Variants in FLYWCH1 observed in about 807,000 individuals in gnomAD.
FLYWCH1 encodes FLYWCH-type zinc finger-containing protein 1.
In FLYWCH1, 75 loss-of-function variants were observed where a neutral mutation model predicts 66.4. That is an observed-to-expected ratio of 1.13 (90% CI 0.94 to 1.37). FLYWCH1 has a LOEUF of 1.37. Among genes scored for constraint, FLYWCH1 ranks in the 40% most tolerant of loss-of-function variants. FLYWCH1 has a pLI of 0.00. For synonymous variants in FLYWCH1, 595 were observed against 429.9 expected (o/e 1.38, Z -4.75); for missense variants, 1,334 against 1,001.8 (o/e 1.33, Z -4.48).
At chr16:2,945,559 G>A (rs2071444164) in intron 9 of FLYWCH1, among the ~76,000 whole-genome samples, 1 of 149,942 alleles carries the variant, frequency 6.7e-6, no homozygotes, top group African/African-American at 2.5e-5. Flanking sequence ...GGGAAGCTGA[G>A]GCTGCAGTGC....
intron 6 of FLYWCH1, chr16:2,936,724 A>T: frequency 2.1e-6 from 1 of 473,084 alleles, no homozygotes; most frequent in Middle Eastern, 3.2e-4. Flanking sequence ...CACCCCTCTC[A>T]GCCCCATCCG....
chr16:2,936,301 G>A (rs529737539), intron 6 of FLYWCH1: 8 of 431,392 alleles, frequency 1.9e-5, no homozygotes, highest in Admixed American at 5.1e-5. Context: ...CCCCACCTTC[G>A]TCCTGACCTC....
At chr16:2,944,369 G>A (rs921355393) in intron 9 of FLYWCH1, among the ~76,000 whole-genome samples, 1 of 148,706 alleles carries the variant, frequency 6.7e-6, no homozygotes, top group African/African-American at 2.5e-5. Flanking sequence ...CATCCAGCCT[G>A]GGTGACAAGA....
chr16:2,948,106 G>C (rs13335508), intron 9 of FLYWCH1, among the ~76,000 whole-genome samples: 40,331 of 152,050 alleles, frequency 0.27, 6,660 homozygotes, highest in African/African-American at 0.44. Flanking sequence ...GCTTGGGTGT[G>C]ATGGCCTGTG....
rs371073892 is a variant in FLYWCH1, at chr16:2,930,578, G to C, written c.494G>C (p.Arg165Pro). The change falls in exon 4 of 10, where the codon CGG (arginine) becomes CCG (proline). Residue 165 changes from arginine (R) to proline (P), a missense_variant. Transcript: ENST00000253928. The stretch of plus-strand genomic sequence containing the variant: ...GGCCGGGCCATCACCCGAGGCCTGC[G>C]GGCCACAGTGATGCGGGGCCACTGC... ...CRGRAITRGL[R>P]ATVMRGHCHA... 4 of 1,556,246 alleles carry C rather than the reference G, an allele frequency of 2.6e-6. No homozygotes were observed. The highest frequency in any genetic ancestry group is 2.0e-5 in the Admixed American group (1 of 50,224).
chr16:2,929,608 C>T lies in FLYWCH1; in HGVS notation c.-73-5C>T, dbSNP rs886942693. On this transcript the variant is annotated splice_polypyrimidine_tract_variant and splice_region_variant and intron_variant, in intron 2 of 9. Transcript: ENST00000253928. ...CCACTGACGGGATTTTGCTTCCTTC[C>T]TTAGGACGGAACCACTGCACTCCAG... The T allele has an allele frequency of 4.7e-6, 7 of 1,493,924 alleles. No individual in the cohort carries two copies. In the Admixed American group the frequency reaches 1.5e-4, roughly 32 times the overall value. The allele number at this position is 1,493,924 out of a possible 1,614,324, so 92.5% of individuals were successfully genotyped here.
chr16:2,925,641 G>A (rs2070540058), intron 2 of FLYWCH1, among the ~76,000 whole-genome samples: 1 of 151,964 alleles, frequency 6.6e-6, no homozygotes, highest in Non-Finnish European at 1.5e-5. Flanking sequence ...TGCTCGAGAG[G>A]CGCCTGCGAA....
chr16:2,939,606 A>G (rs2071175800), intron 8 of FLYWCH1: 1 of 163,000 alleles, frequency 6.1e-6, no homozygotes, highest in Non-Finnish European at 1.3e-5. Context: ...TGAGCTCCTC[A>G]GAAAAGGGGA....
chr16:2,920,371 C>T (rs1380752252), intron 2 of FLYWCH1, among the ~76,000 whole-genome samples: 2 of 151,862 alleles, frequency 1.3e-5, no homozygotes, highest in Non-Finnish European at 2.9e-5. Flanking sequence ...AAAATTTAGC[C>T]ATGTGTGGTT....
In FLYWCH1 at chr16:2,924,127, A is replaced by G. The variant is rs534353183; in HGVS notation, c.-73-5486A>G. On this transcript the variant is annotated intron_variant, in intron 2 of 9. Coordinates refer to ENST00000253928, the MANE Select transcript of FLYWCH1 (RefSeq NM_001308068.2). ...AGGCGGATCACGAGGTCAGGAGATC[A>G]AGACCATCCTGGCTAACACGGTGAA... 3.3e-5 allele frequency among the ~76,000 whole-genome samples: 5 copies of G among 152,050 alleles called. No homozygotes were observed. The Middle Eastern group carries it at 9.5e-3, about 289-fold the overall frequency.
At chr16:2,938,619 T>G (rs11076987) in intron 8 of FLYWCH1, among the ~76,000 whole-genome samples, 163 bp downstream of exon 8, 40,866 of 146,122 alleles carry the variant, frequency 0.28, 5,849 homozygotes, top group East Asian at 0.41. Context: ...TTTTTTTTTT[T>G]TTTTTTTTTT....
intron 2 of FLYWCH1, among the ~76,000 whole-genome samples, chr16:2,925,882 C>G (rs1193857273): frequency 6.6e-6 from 1 of 152,192 alleles, no homozygotes; most frequent in Admixed American, 6.5e-5. Flanking sequence ...ATGTGGGGCC[C>G]CAGGCCAGGG....
At position 2,940,037 on chromosome 16, in the gene FLYWCH1, A is replaced by T. The variant is rs767495241; in HGVS notation, c.2056A>T (p.Ile686Phe). 6.3e-7 allele frequency: 1 copy of T among 1,599,372 alleles called. No homozygotes were observed. The highest frequency in any genetic ancestry group is 1.7e-5 in the Admixed American group (1 of 59,250). ...TTTCAATTATTTTTCCACAGAAAAG[A>T]TTCAAGTTCAGCTGTGCTTCAAGAC... ...TTAQQEDPEK[I>F]QVQLCFKTCS... Residue 686 changes from isoleucine (I) to phenylalanine (F), a missense_variant, in exon 9 of 10, where the codon ATT (isoleucine) becomes TTT (phenylalanine). Ile to Phe is a conservative substitution (Grantham distance 21). Transcript: ENST00000253928.
chr16:2,939,032 C>G (rs113718781), intron 8 of FLYWCH1, among the ~76,000 whole-genome samples: 2 of 152,076 alleles, frequency 1.3e-5, no homozygotes, highest in African/African-American at 2.4e-5. Context: ...CTCAGCCTCC[C>G]GAGTAACTGG....
At chr16:2,931,562 G>C (rs2070762712) in intron 4 of FLYWCH1, among the ~76,000 whole-genome samples, 1 of 151,966 alleles carries the variant, frequency 6.6e-6, no homozygotes, top group South Asian at 2.1e-4. Flanking sequence ...GCTGCAGTGA[G>C]CCGGGATCAC....
Position 2,937,971 on chromosome 16 carries a change from C to T in FLYWCH1, c.1778-213C>T, listed in dbSNP as rs1001233452. Among the ~76,000 whole-genome samples the T allele has an allele frequency of 2.0e-5, 3 of 152,270 alleles. No individual in the cohort carries two copies. The South Asian group carries it at 6.2e-4, about 32-fold the overall frequency. ...TCAGGGTCCAGTGCTTGCCAGGCCA[C>T]GTGCCCAGTCATCCCCAGAGCCCTT... On this transcript the variant is annotated intron_variant, in intron 7 of 9. Coordinates refer to ENST00000253928, the MANE Select transcript of FLYWCH1 (RefSeq NM_001308068.2).
intron 2 of FLYWCH1, among the ~76,000 whole-genome samples, chr16:2,919,587 G>A (rs1484694893): frequency 6.6e-6 from 1 of 151,992 alleles, no homozygotes; most frequent in African/African-American, 2.4e-5. Flanking sequence ...TTGAGATGGG[G>A]TCATGTGATG....
chr16:2,938,643 T>A (rs1416329107), intron 8 of FLYWCH1, among the ~76,000 whole-genome samples, 187 bp downstream of exon 8: 3 of 150,240 alleles, frequency 2.0e-5, no homozygotes, highest in Non-Finnish European at 4.4e-5. Flanking sequence ...GACTGAGTCT[T>A]GCTCTGTTGC....
At chr16:2,939,957 G>GGT in intron 8 of FLYWCH1, 75 bp from the exon 9 acceptor site, 1 of 1,523,744 alleles carries the variant, frequency 6.6e-7, no homozygotes, top group Non-Finnish European at 8.9e-7. Flanking sequence ...TCGTTAACAA[G>GGT]GTGTGTGTCC....
Sources: gnomAD v4.1 joint callset for allele counts (sites outside exome capture counted in the v4.1 genomes callset) on GRCh38, gnomAD v4.1.1 for gene constraint, MANE v1.5 for transcripts, NCBI Gene and HGNC (gene_info 2026-07-23, HGNC 2026-07-21) for gene names.